Variants in SH2D4B observed in about 807,000 individuals in gnomAD.
SH2D4B encodes SH2 domain containing 4B.
In SH2D4B, 45 loss-of-function variants were observed where a neutral mutation model predicts 61.5. The observed-to-expected ratio is 0.73, with a 90% CI of 0.58 to 0.94. SH2D4B has a LOEUF of 0.94. Among genes scored for constraint, SH2D4B ranks in the 40% least tolerant of loss-of-function variants. The pLI is 0.00. For missense variants in SH2D4B, 572 were observed against 574.2 expected, an observed-to-expected ratio of 1.00 and a Z score of 0.04; for synonymous variants, 224 against 220.4, an observed-to-expected ratio of 1.02 and a Z score of -0.14.
At chr10:80,585,586 A>G (rs1253177963) in intron 3 of SH2D4B, among the ~76,000 whole-genome samples, 3 of 152,182 alleles carry the variant, frequency 2.0e-5, no homozygotes, top group African/African-American at 7.2e-5. Flanking sequence ...AAGTGCTGGG[A>G]TTACAGGCGT....
Position 80,539,002 on chromosome 10 carries a change from C to A in SH2D4B, c.184+487C>A, listed in dbSNP as rs1186391251. Among the ~76,000 whole-genome samples, 1 of 152,240 alleles carries A rather than the reference C, an allele frequency of 6.6e-6. No individual in the cohort carries two copies. Among genetic ancestry groups the A allele is most frequent in the African/African-American group, 2.4e-5 (1 of 41,456 alleles). On this transcript the variant is annotated intron_variant, in intron 1 of 7. Transcript: ENST00000646907. This position sits in a 1 kb window ranked among gnomAD's most constrained non-coding sequence, Gnocchi z 4.9. ...GTGCCTCTCCCTCCAGATCCTCCGG[C>A]AGGAGGATGCTGTGGGTTGTCTCTG...
chr10:80,559,637 AT>A (rs773552620), intron 1 of SH2D4B, among the ~76,000 whole-genome samples: 2,089 of 129,872 alleles, frequency 0.016, 35 homozygotes, highest in African/African-American at 0.046. Context: ...GTGGTCCTGC[AT>A]TTTTTTTTTT....
chr10:80,596,124 G>T (rs1444627903), intron 4 of SH2D4B, among the ~76,000 whole-genome samples: 1 of 152,210 alleles, frequency 6.6e-6, no homozygotes, highest in Admixed American at 6.5e-5. Context: ...ATGCAACATT[G>T]TGGTCAAAGC....
Position 80,539,184 on chromosome 10 carries a change from G to A in SH2D4B, c.184+669G>A, listed in dbSNP as rs1841546209. 6.6e-6 allele frequency among the ~76,000 whole-genome samples: 1 copy of A among 152,236 alleles called. No individual in the cohort carries two copies. The highest frequency in any genetic ancestry group is 1.5e-5 in the Non-Finnish European group (1 of 68,040). On this transcript the variant is annotated intron_variant, in intron 1 of 7. Transcript: ENST00000646907. This position sits in a 1 kb window ranked among gnomAD's most constrained non-coding sequence, Gnocchi z 4.9. ...AAGTCATGTGCCAGTCAATCCTATG[G>A]ACTGGTACACCTGTGGGTGAAGGAA... is the stretch of plus-strand genomic sequence containing the variant.
chr10:80,609,341 C>T (rs1371581712), intron 5 of SH2D4B, 83 bp from the exon 6 acceptor site: 1 of 1,424,880 alleles, frequency 7.0e-7, no homozygotes, highest in Non-Finnish European at 9.4e-7. Context: ...CTCCCTTCCT[C>T]TTTCCTTCCC....
chr10:80,641,910 T>A (rs1367531364), intron 7 of SH2D4B, among the ~76,000 whole-genome samples: 2 of 152,244 alleles, frequency 1.3e-5, no homozygotes, highest in African/African-American at 2.4e-5. Flanking sequence ...AATTAGTTCA[T>A]GATTACATTC....
chr10:80,558,475 C>CATTTATTT, intron 1 of SH2D4B, among the ~76,000 whole-genome samples: 1 of 151,732 alleles, frequency 6.6e-6, no homozygotes, highest in East Asian at 1.9e-4. Flanking sequence ...AATGATCATG[C>CATTTATTT]ATTTATTTAT....
At chr10:80,621,497 G>A (rs1292731981) in intron 6 of SH2D4B, among the ~76,000 whole-genome samples, 2 of 152,222 alleles carry the variant, frequency 1.3e-5, no homozygotes, top group East Asian at 1.9e-4. Flanking sequence ...TATCTCTGGT[G>A]TAAGAGTCTC....
Position 80,630,859 on chromosome 10 carries a change from G to A in SH2D4B, c.989-3426G>A, listed in dbSNP as rs1249396785. Among the ~76,000 whole-genome samples the A allele has an allele frequency of 2.6e-5, 4 of 152,344 alleles. No individual in the cohort carries two copies. In the South Asian group the frequency reaches 6.2e-4, roughly 24 times the overall value. ...TACCAAACAGTGCGATGAGCCCAGA[G>A]GGGTAGGTTGAGGCGGGGCATAGAG... On this transcript the variant is annotated intron_variant, in intron 6 of 7. Transcript: ENST00000646907.
At chr10:80,640,759 T>TA (rs1383843621) in intron 7 of SH2D4B, among the ~76,000 whole-genome samples, 1 of 152,190 alleles carries the variant, frequency 6.6e-6, no homozygotes, top group Non-Finnish European at 1.5e-5. Context: ...CGGGGAAATT[T>TA]ATTATTACTG....
rs149341070 is a variant in SH2D4B, at chr10:80,634,278, A to G, written c.989-7A>G. On this transcript the variant is annotated splice_region_variant and splice_polypyrimidine_tract_variant and intron_variant, in intron 6 of 7. Transcript: ENST00000646907. Reference sequence around the variant, plus strand: ...GTGTTTTTTTGTTTTTTTCTATTTTAAATCAGGAATTATTAGCCGAGAAGA... The same window carrying G: ...GTGTTTTTTTGTTTTTTTCTATTTTGAATCAGGAATTATTAGCCGAGAAGA... 7.2e-5 allele frequency: 108 copies of G among 1,498,784 alleles called. No individual in the cohort carries two copies. The East Asian group carries it at 1.5e-3, about 21-fold the overall frequency. 92.8% of individuals were successfully genotyped at this position (1,498,784 alleles called of 1,614,324 possible). A position where few individuals can be genotyped will look rare whatever the true frequency, so the allele number is the denominator to read the frequency against.
chr10:80,608,567 A>G (rs1410948545), intron 5 of SH2D4B, among the ~76,000 whole-genome samples: 15 of 152,076 alleles, frequency 9.9e-5, no homozygotes, highest in Non-Finnish European at 1.5e-4. Context: ...GTCCAAGTCT[A>G]TGTAAGCATC....
At chr10:80,599,677 T>C (rs998359479) in intron 4 of SH2D4B, among the ~76,000 whole-genome samples, 1 of 152,140 alleles carries the variant, frequency 6.6e-6, no homozygotes, top group Non-Finnish European at 1.5e-5. Flanking sequence ...TCAGAAGCCT[T>C]GGATAAGGGT....
At chr10:80,609,085 C>T (rs1343554364) in intron 5 of SH2D4B, among the ~76,000 whole-genome samples, 1 of 152,106 alleles carries the variant, frequency 6.6e-6, no homozygotes, top group African/African-American at 2.4e-5. Flanking sequence ...CCTCAGACAC[C>T]CCCTCCTAGC....
intron 6 of SH2D4B, among the ~76,000 whole-genome samples, chr10:80,631,112 T>C (rs1842827798): frequency 6.6e-6 from 1 of 152,216 alleles, no homozygotes; most frequent in South Asian, 2.1e-4. Flanking sequence ...AAGTACCCCA[T>C]AATCTCAGCA....
chr10:80,589,044 C>A (rs1009009505), intron 4 of SH2D4B, among the ~76,000 whole-genome samples: 2 of 151,258 alleles, frequency 1.3e-5, no homozygotes, highest in African/African-American at 4.9e-5. Context: ...TGCTCTGTCG[C>A]CTAGGCTGGA....
intron 6 of SH2D4B, among the ~76,000 whole-genome samples, chr10:80,631,413 T>A (rs1196789056): frequency 1.3e-5 from 2 of 152,206 alleles, no homozygotes; most frequent in African/African-American, 4.8e-5. Flanking sequence ...CATGCCCAAC[T>A]AATTTTTTAT....
At chr10:80,585,475 C>G (rs1454503748) in intron 3 of SH2D4B, among the ~76,000 whole-genome samples, 1 of 152,002 alleles carries the variant, frequency 6.6e-6, no homozygotes, top group African/African-American at 2.4e-5. Flanking sequence ...CCACCATGCC[C>G]GACTAATTTT....
intron 6 of SH2D4B, among the ~76,000 whole-genome samples, chr10:80,614,616 C>T (rs562163435): frequency 6.6e-6 from 1 of 152,382 alleles, no homozygotes; most frequent in East Asian, 1.9e-4. Flanking sequence ...ATTGGGCAGT[C>T]TTGATGGCTA....
Sources: gnomAD v4.1 joint callset for allele counts (sites outside exome capture counted in the v4.1 genomes callset) on GRCh38, gnomAD v4.1.1 for gene constraint, Gnocchi (gnomAD v3.1) non-coding constraint, MANE v1.5 for transcripts, NCBI Gene and HGNC (gene_info 2026-07-23, HGNC 2026-07-21) for gene names.